OR4K17: variants seen among roughly 807,000 people sequenced by gnomAD.
The protein encoded by OR4K17 is olfactory receptor family 4 subfamily K member 17, also known as olfactory receptor 4K17.
For synonymous variants in OR4K17, 157 were observed against 132.8 expected (o/e 1.18, Z -1.25); for missense variants, 480 against 366.3 (o/e 1.31, Z -2.53).
In OR4K17 at chr14:20,119,765, G is replaced by A. The variant is rs529772059; in HGVS notation, c.*1327G>A. ...AGGCAGGAGAATTGCTTGAACCCAG[G>A]AGGCAGAGGCTTCAGTGAGCTGAGT... On this transcript the variant is annotated 3_prime_UTR_variant, in exon 2 of 2. Coordinates refer to ENST00000641386, the MANE Select transcript of OR4K17 (RefSeq NM_001004715.5). 6.6e-6 allele frequency: 1 copy of A among 152,208 alleles called. No individual in the cohort carries two copies. Among genetic ancestry groups the A allele is most frequent in the Non-Finnish European group, 1.5e-5 (1 of 68,060 alleles). 9.4% of individuals were successfully genotyped at this position (152,208 alleles called of 1,614,324 possible).
intron 1 of OR4K17, among the ~76,000 whole-genome samples, chr14:20,115,353 A>T (rs1465290113): frequency 6.6e-6 from 1 of 152,080 alleles, no homozygotes; most frequent in African/African-American, 2.4e-5. Context: ...TATTTTAAGA[A>T]ATATATAAAT....
At chr14:20,111,550 AC>A (rs1410333365) in intron 1 of OR4K17, among the ~76,000 whole-genome samples, 3 of 151,770 alleles carry the variant, frequency 2.0e-5, no homozygotes, top group Non-Finnish European at 2.9e-5. Flanking sequence ...CATCTCAAAA[AC>A]CCTTGCTAAT....
chr14:20,118,393 G>T lies in OR4K17; in HGVS notation c.894G>T (p.Met298Ile), dbSNP rs1878072379. The stretch of plus-strand genomic sequence containing the variant: ...GAAACAAAGAAATGAAGATATCCAT[G>T]AAAAAACTCTGGAGAGCTTTTGTGA... ...TLRNKEMKIS[M>I]KKLWRAFVNS... The change falls in exon 2 of 2, where the codon ATG (methionine) becomes ATT (isoleucine). Residue 298 changes from methionine to isoleucine, a missense_variant. Coordinates refer to ENST00000641386, the MANE Select transcript of OR4K17 (RefSeq NM_001004715.5). 1.2e-6 allele frequency: 2 copies of T among 1,605,562 alleles called. No individual in the cohort carries two copies. Among genetic ancestry groups the T allele is most frequent in the Non-Finnish European group, 1.7e-6 (2 of 1,175,956 alleles).
rs777947397 is a variant in OR4K17, at chr14:20,118,359, A to T, written c.860A>T (p.Tyr287Phe). The T allele has an allele frequency of 1.2e-6, 2 of 1,611,022 alleles. No individual in the cohort carries two copies. Among genetic ancestry groups the T allele is most frequent in the Middle Eastern group, 1.7e-4 (1 of 6,046 alleles). The change falls in exon 2 of 2, where the codon TAT (tyrosine) becomes TTT (phenylalanine). Residue 287 changes from tyrosine to phenylalanine, a missense_variant. Physicochemically the swap from Tyr to Phe is conservative, Grantham distance 22. Transcript: ENST00000641386. ...IITPILNPII[Y>F]TLRNKEMKIS... ...ACTCCTATCTTGAATCCAATTATCT[A>T]TACTCTGAGAAACAAAGAAATGAAG... is the stretch of plus-strand genomic sequence containing the variant.
chr14:20,117,575 C>T lies in OR4K17; in HGVS notation c.76C>T (p.Leu26Phe). Reference sequence around the variant, plus strand: ...GACCAGCTCCCAGGATGTAGAGTTTCTTCTCTTTGCCCTCTTCTCGGTTAT... The same window carrying T: ...GACCAGCTCCCAGGATGTAGAGTTTTTTCTCTTTGCCCTCTTCTCGGTTAT... The part of the protein sequence containing the change: ...GLTSSQDVEF[L>F]LFALFSVIYV... The change falls in exon 2 of 2, where the codon CTT (leucine) becomes TTT (phenylalanine). Residue 26 changes from leucine (L) to phenylalanine (F), a missense_variant. Leu to Phe is a conservative substitution (Grantham distance 22, BLOSUM62 0). Transcript: ENST00000641386. 2 of 1,613,992 alleles carry T rather than the reference C, an allele frequency of 1.2e-6. No individual in the cohort carries two copies. The highest frequency in any genetic ancestry group is 1.7e-6 in the Non-Finnish European group (2 of 1,179,978).
chr14:20,119,829 G>A lies in OR4K17; in HGVS notation c.*1391G>A, dbSNP rs1190955662. Reference sequence around the variant, plus strand: ...CTCCAGCCTGGGTGACAGAGTGAGAGTCCATCTTAAAATAATAATAATAAT... The same window carrying A: ...CTCCAGCCTGGGTGACAGAGTGAGAATCCATCTTAAAATAATAATAATAAT... On this transcript the variant is annotated 3_prime_UTR_variant, in exon 2 of 2. Coordinates refer to ENST00000641386, the MANE Select transcript of OR4K17 (RefSeq NM_001004715.5). 3 of 151,948 alleles carry A rather than the reference G, an allele frequency of 2.0e-5. No individual in the cohort carries two copies. Among genetic ancestry groups the A allele is most frequent in the Admixed American group, 2.0e-4 (3 of 15,256 alleles). The allele number at this position is 151,948 out of a possible 1,614,324, so 9.4% of individuals were successfully genotyped here. A position where few individuals can be genotyped will look rare whatever the true frequency, so the allele number is the denominator to read the frequency against.
At position 20,118,190 on chromosome 14, in the gene OR4K17, A is replaced by C; in HGVS notation, c.691A>C (p.Thr231Pro). 4 of 1,613,984 alleles carry C rather than the reference A, an allele frequency of 2.5e-6. No homozygotes were observed. The highest frequency in any genetic ancestry group is 3.4e-6 in the Non-Finnish European group (4 of 1,179,910). ...CATAACCATTAAGAACCACTCTCCT[A>C]CTGGGCAATCTAAAGCCCGTTCCAC... is the stretch of plus-strand genomic sequence containing the variant. ...ILITIKNHSP[T>P]GQSKARSTLT... The change falls in exon 2 of 2, where the codon ACT becomes CCT. Residue 231 changes from threonine (T) to proline (P), a missense_variant. Transcript: ENST00000641386.
chr14:20,112,316 C>A (rs1222728719), intron 1 of OR4K17, among the ~76,000 whole-genome samples: 1 of 152,012 alleles, frequency 6.6e-6, no homozygotes, highest in Non-Finnish European at 1.5e-5. Flanking sequence ...CACAGATATC[C>A]AGGAAAGACA....
At chr14:20,116,330 A>T (rs1433269299) in intron 1 of OR4K17, among the ~76,000 whole-genome samples, 9 of 152,046 alleles carry the variant, frequency 5.9e-5, no homozygotes, top group Admixed American at 2.0e-4. Flanking sequence ...AATCTGTCTC[A>T]CACACACACA....
chr14:20,111,378 G>A (rs1054173906), intron 1 of OR4K17, among the ~76,000 whole-genome samples: 1 of 151,942 alleles, frequency 6.6e-6, no homozygotes, highest in Non-Finnish European at 1.5e-5. Context: ...GTATTGATTT[G>A]GACATTAACA....
chr14:20,121,440 A>G lies in OR4K17; in HGVS notation c.*3002A>G, dbSNP rs186352386. On this transcript the variant is annotated 3_prime_UTR_variant, in exon 2 of 2. Transcript: ENST00000641386. ...ATTCCAGAAATTTGTTTAAAAATAA[A>G]TAACATAAAAATATGTAAATTGTGA... 6.6e-6 allele frequency: 1 copy of G among 152,342 alleles called. No individual in the cohort carries two copies. The highest frequency in any genetic ancestry group is 2.4e-5 in the African/African-American group (1 of 41,600). 9.4% of individuals were successfully genotyped at this position (152,342 alleles called of 1,614,324 possible). A position where few individuals can be genotyped will look rare whatever the true frequency, so the allele number is the denominator to read the frequency against.
intron 1 of OR4K17, among the ~76,000 whole-genome samples, chr14:20,116,414 C>T (rs1448749905): frequency 1.3e-5 from 2 of 152,014 alleles, no homozygotes; most frequent in Non-Finnish European, 2.9e-5. Flanking sequence ...CTAGTTTTAG[C>T]CATATAGTAG....
chr14:20,119,463 A>G lies in OR4K17; in HGVS notation c.*1025A>G, dbSNP rs1468106104. On this transcript the variant is annotated 3_prime_UTR_variant, in exon 2 of 2. Transcript: ENST00000641386. ...TTTATGTTCAGAGATTGTAGTAAAG[A>G]CAGGCATGAGAAATTATACAAATAT... The G allele has an allele frequency of 6.6e-6, 1 of 152,240 alleles. No individual in the cohort carries two copies. Among genetic ancestry groups the G allele is most frequent in the Non-Finnish European group, 1.5e-5 (1 of 68,036 alleles). The allele number at this position is 152,240 out of a possible 1,614,324, so 9.4% of individuals were successfully genotyped here.
chr14:20,112,097 G>A (rs1401864489), intron 1 of OR4K17: 2 of 152,040 alleles, frequency 1.3e-5, no homozygotes, highest in African/African-American at 2.4e-5. Context: ...GGGAGGTAAG[G>A]TGTCATAAAA....
rs1878115056 is a variant in OR4K17 at position 20,119,733 on chromosome 14, G to A, written c.*1295G>A. The A allele has an allele frequency of 6.6e-6, 1 of 152,196 alleles. No individual in the cohort carries two copies. 9.4% of individuals were successfully genotyped at this position (152,196 alleles called of 1,614,324 possible). On this transcript the variant is annotated 3_prime_UTR_variant, in exon 2 of 2. Coordinates refer to ENST00000641386, the MANE Select transcript of OR4K17 (RefSeq NM_001004715.5). ...CATCCCTGCAATCCCAGCTATTCAG[G>A]AGGCTGAGGCAGGAGAATTGCTTGA...
At chr14:20,117,284 C>G (rs1381545848) in intron 1 of OR4K17, 184 bp from the exon 2 acceptor site, 1 of 668,378 alleles carries the variant, frequency 1.5e-6, no homozygotes, top group East Asian at 2.8e-5. Flanking sequence ...GGTCATTGCT[C>G]TTTTATGGAA....
intron 1 of OR4K17, among the ~76,000 whole-genome samples, chr14:20,112,522 T>C (rs1236863024): frequency 6.6e-6 from 1 of 152,038 alleles, no homozygotes; most frequent in African/African-American, 2.4e-5. Context: ...CACATGGTGA[T>C]GATAGGTTTG....
intron 1 of OR4K17, among the ~76,000 whole-genome samples, chr14:20,116,206 C>T (rs948769339): frequency 6.6e-6 from 1 of 152,052 alleles, no homozygotes. Context: ...TCCAAATAGC[C>T]TACTGATTCT....
chr14:20,114,022 G>C (rs1309847556), intron 1 of OR4K17, among the ~76,000 whole-genome samples: 1 of 151,952 alleles, frequency 6.6e-6, no homozygotes. Flanking sequence ...GTGCAGAGTT[G>C]ATGCAGCTTG....
Sources: allele counts gnomAD v4.1 joint callset (sites outside exome capture counted in the v4.1 genomes callset), GRCh38; gene constraint gnomAD v4.1.1; transcripts MANE v1.5; gene names NCBI Gene and HGNC (gene_info 2026-07-23, HGNC 2026-07-21).